NR2C1: variants seen among roughly 807,000 people sequenced by gnomAD.
NR2C1 encodes the protein TR2 nuclear hormone receptor.
NR2C1 carries 33 observed loss-of-function variants against 74.8 expected under a neutral mutation model. That is an observed-to-expected ratio of 0.44 (90% confidence interval 0.33 to 0.59). The LOEUF is 0.59. Among genes scored for constraint, NR2C1 ranks in the 20% least tolerant of loss-of-function variants. NR2C1 has a pLI of 0.02. For missense variants in NR2C1, 568 were observed against 715.6 expected, an observed-to-expected ratio of 0.79 and a Z score of 2.35; for synonymous variants, 225 against 240.6, an observed-to-expected ratio of 0.94 and a Z score of 0.60.
At position 95,025,242 on chromosome 12, in the gene NR2C1, T is replaced by TAAG. The variant is rs1379987060; in HGVS notation, c.1544_1545insCTT (p.Leu515dup). The TAAG allele has an allele frequency of 6.3e-7, 1 of 1,585,214 alleles. No homozygotes were observed. The highest frequency in any genetic ancestry group is 8.6e-7 in the Non-Finnish European group (1 of 1,159,172). On this transcript the variant is annotated inframe_insertion, in exon 13 of 14. Coordinates refer to ENST00000333003, the MANE Select transcript of NR2C1 (RefSeq NM_003297.4). ...ATTTCTCTATCTGTTCCATGTTTTCTAGGCTTGGATGATCTGAAACATTAA... is the reference window on the plus strand; with the variant it reads ...ATTTCTCTATCTGTTCCATGTTTTCTAAGAGGCTTGGATGATCTGAAACATTAA...
At chr12:95,023,068 G>A (rs1254730234) in intron 13 of NR2C1, among the ~76,000 whole-genome samples, 4 of 151,936 alleles carry the variant, frequency 2.6e-5, no homozygotes, top group African/African-American at 9.7e-5. Flanking sequence ...GAGGTGGGCA[G>A]ATCACTTGAG....
chr12:95,038,407 T>G (rs975693486), intron 10 of NR2C1, among the ~76,000 whole-genome samples: 1 of 152,234 alleles, frequency 6.6e-6, no homozygotes, highest in Non-Finnish European at 1.5e-5. Context: ...CACGTTACTT[T>G]TTAGACATGT....
intron 11 of NR2C1, chr12:95,030,839 T>C (rs1431232187): frequency 9.9e-6 from 16 of 1,613,580 alleles, no homozygotes; most frequent in Non-Finnish European, 1.4e-5. Flanking sequence ...TTGCTCGTCT[T>C]GTGAAATGAA....
Position 95,022,388 on chromosome 12 carries a change from T to C in NR2C1, c.1653A>G (p.Leu551=). 5.0e-6 allele frequency: 8 copies of C among 1,610,788 alleles called. No individual in the cohort carries two copies. The highest frequency in any genetic ancestry group is 6.8e-6 in the Non-Finnish European group (8 of 1,179,306). ...TCAGTCTTAAAGCTGGCAATCTGAG[T>C]AGTAGTCTGGATAACCTAAAAAAAG... The part of the protein sequence containing the change: ...PDDTYRLSRL[L]LRLPALRLMN... Residue 551 remains leucine, a synonymous_variant, in exon 14 of 14, where the codon CTA becomes CTG. Transcript: ENST00000333003.
At chr12:95,047,946 C>T (rs1872514436) in intron 9 of NR2C1, among the ~76,000 whole-genome samples, 1 of 151,950 alleles carries the variant, frequency 6.6e-6, no homozygotes, top group South Asian at 2.1e-4. Context: ...TAATTGCAGC[C>T]TTAAAAGTAA....
At chr12:95,038,970 G>A (rs1416170458) in intron 10 of NR2C1, among the ~76,000 whole-genome samples, 5 of 152,082 alleles carry the variant, frequency 3.3e-5, no homozygotes, top group South Asian at 2.1e-4. Flanking sequence ...GACGTTGGGC[G>A]AGGTGGTGCA....
intron 11 of NR2C1, 45 bp from the exon 12 acceptor site, chr12:95,028,569 G>A (rs1269780854): frequency 7.8e-7 from 1 of 1,276,586 alleles, no homozygotes; most frequent in Non-Finnish European, 1.1e-6. Context: ...TGTCTAAAAT[G>A]AACAACTACT....
chr12:95,037,119 C>T (rs1017212328), intron 10 of NR2C1, among the ~76,000 whole-genome samples: 1 of 152,140 alleles, frequency 6.6e-6, no homozygotes, highest in Non-Finnish European at 1.5e-5. Flanking sequence ...CTGTGGTAAA[C>T]GGTGGTGGCT....
intron 9 of NR2C1, among the ~76,000 whole-genome samples, chr12:95,042,708 T>C (rs193285263): frequency 6.6e-6 from 1 of 152,238 alleles, no homozygotes; most frequent in East Asian, 1.9e-4. Context: ...GGGCAATTAA[T>C]AGTTGAAATT....
intron 7 of NR2C1, among the ~76,000 whole-genome samples, chr12:95,054,247 A>T (rs1239653254): frequency 6.6e-6 from 1 of 152,102 alleles, no homozygotes; most frequent in African/African-American, 2.4e-5. Context: ...ATTGCTAACC[A>T]GAAAAATGAC....
chr12:95,046,037 G>A (rs1187517231), intron 9 of NR2C1, among the ~76,000 whole-genome samples: 1 of 151,884 alleles, frequency 6.6e-6, no homozygotes, highest in African/African-American at 2.4e-5. Flanking sequence ...ACGGGATTTC[G>A]TCATGTTGGC....
chr12:95,024,385 AAGCT>A (rs1355798939), intron 13 of NR2C1, among the ~76,000 whole-genome samples: 1 of 152,172 alleles, frequency 6.6e-6, no homozygotes, highest in Non-Finnish European at 1.5e-5. Flanking sequence ...CAAGGTTATG[AAGCT>A]AGCAAGTGCA....
At chr12:95,048,699 A>C (rs1027219743) in intron 9 of NR2C1, among the ~76,000 whole-genome samples, 10 of 145,174 alleles carry the variant, frequency 6.9e-5, no homozygotes, top group African/African-American at 2.6e-4. Flanking sequence ...ATCTCGGTTC[A>C]CCATAACCTC....
intron 2 of NR2C1, among the ~76,000 whole-genome samples, chr12:95,064,890 A>C (rs1875425967): frequency 6.6e-6 from 1 of 152,226 alleles, no homozygotes; most frequent in Non-Finnish European, 1.5e-5. Flanking sequence ...GCAAAATTTA[A>C]AACAAAGTTC....
chr12:95,055,587 G>T (rs757645452), intron 7 of NR2C1, among the ~76,000 whole-genome samples: 12 of 152,136 alleles, frequency 7.9e-5, no homozygotes, highest in Non-Finnish European at 1.3e-4. Context: ...TATTTAGAGC[G>T]CCTTAAAGCA....
chr12:95,021,365 T>C lies in NR2C1; in HGVS notation c.*864A>G, dbSNP rs1231872619. On this transcript the variant is annotated 3_prime_UTR_variant, in exon 14 of 14. Transcript: ENST00000333003. ...TCTCTATTATTTTCAAAGACAGCAGTAGGCCAGGCACGGTGGCACGCGCCT... is the reference window on the plus strand; with the variant it reads ...TCTCTATTATTTTCAAAGACAGCAGCAGGCCAGGCACGGTGGCACGCGCCT... 1 of 151,398 alleles carries C rather than the reference T, an allele frequency of 6.6e-6. No homozygotes were observed. The highest frequency in any genetic ancestry group is 2.4e-5 in the African/African-American group (1 of 41,236). The allele number at this position is 151,398 out of a possible 1,614,324, so 9.4% of individuals were successfully genotyped here. A position where few individuals can be genotyped will look rare whatever the true frequency, so the allele number is the denominator to read the frequency against.
intron 2 of NR2C1, among the ~76,000 whole-genome samples, chr12:95,065,917 T>C (rs1875615392): frequency 6.8e-6 from 1 of 147,284 alleles, no homozygotes; most frequent in African/African-American, 2.5e-5. Flanking sequence ...GCCACTACAC[T>C]CCAGCCTGGA....
At chr12:95,032,545 A>G (rs953607424) in intron 10 of NR2C1, among the ~76,000 whole-genome samples, 3 of 152,122 alleles carry the variant, frequency 2.0e-5, no homozygotes, top group African/African-American at 7.2e-5. Context: ...CTGCCGTCCC[A>G]GCTACTTAAA....
intron 12 of NR2C1, 109 bp from the exon 13 acceptor site, chr12:95,025,364 A>T (rs1869226059): frequency 6.5e-6 from 4 of 613,826 alleles, no homozygotes; most frequent in Non-Finnish European, 1.1e-5. Flanking sequence ...CCCATCATAA[A>T]ATGTGTGGCT....
Sources: gnomAD v4.1 joint callset for allele counts (sites outside exome capture counted in the v4.1 genomes callset) on GRCh38, gnomAD v4.1.1 for gene constraint, MANE v1.5 for transcripts, NCBI Gene and HGNC (gene_info 2026-07-23, HGNC 2026-07-21) for gene names.